FETUB: variants seen among roughly 807,000 people sequenced by gnomAD.
The protein encoded by FETUB is fetuin-B.
A neutral mutation model predicts 30.9 loss-of-function variants in FETUB; 28 were observed. The ratio of observed to expected loss-of-function variants is 0.90; its 90% CI spans 0.67 to 1.24. The LOEUF is 1.24. Ranked by LOEUF, FETUB falls within the 50% of genes most tolerant of loss-of-function variation. FETUB has a pLI of 0.00. For synonymous variants in FETUB, 186 were observed against 175.9 expected (o/e 1.06, Z -0.45); for missense variants, 469 against 455.3 (o/e 1.03, Z -0.27).
upstream of FETUB, among the ~76,000 whole-genome samples, chr3:186,636,633 G>A (rs1257080846): frequency 6.6e-6 from 1 of 152,192 alleles, no homozygotes; most frequent in African/African-American, 2.4e-5. Flanking sequence ...CCAAACATAG[G>A]ATACTTCAGG....
Position 186,652,397 on chromosome 3 carries a change from A to T in FETUB, c.915A>T (p.Gln305His). The change falls in exon 7 of 7, where the codon CAA becomes CAT. Residue 305 changes from glutamine (Q) to histidine (H), a missense_variant. Physicochemically the swap from Gln to His is conservative, Grantham distance 24. Transcript: ENST00000265029. The stretch of plus-strand genomic sequence containing the variant: ...AAGCTGGGCCAAGAGGATCTGTCCA[A>T]TATCTTCCTGACTTGGATGATAAAA... ...PSKAGPRGSV[Q>H]YLPDLDDKNS... 1 of 1,612,560 alleles carries T rather than the reference A, an allele frequency of 6.2e-7. No homozygotes were observed. The highest frequency in any genetic ancestry group is 1.7e-5 in the Admixed American group (1 of 59,974).
chr3:186,646,285 T>C lies in FETUB; in HGVS notation c.632T>C (p.Ile211Thr). 6.2e-7 allele frequency: 1 copy of C among 1,614,064 alleles called. No individual in the cohort carries two copies. The highest frequency in any genetic ancestry group is 2.2e-5 in the East Asian group (1 of 44,876). ...VGPSYFVEYL[I>T]KESPCTKSQA... ...CCTTCTTACTTTGTGGAATACTTAA[T>C]TAAAGAATCACCATGTACTAAATCC... The change falls in exon 5 of 7, where the codon ATT (isoleucine) becomes ACT (threonine). Residue 211 changes from isoleucine (I) to threonine (T), a missense_variant. Coordinates refer to ENST00000265029, the MANE Select transcript of FETUB (RefSeq NM_014375.3).
At chr3:186,639,931 G>A (rs1579029441), upstream of FETUB, among the ~76,000 whole-genome samples, 1 of 152,284 alleles carries the variant, frequency 6.6e-6, no homozygotes, top group Non-Finnish European at 1.5e-5. Flanking sequence ...AGTGCTTAAG[G>A]AATCTCAACT....
intron 2 of FETUB, chr3:186,641,932 G>A (rs1717089405): frequency 6.6e-6 from 1 of 152,382 alleles, no homozygotes; most frequent in South Asian, 2.1e-4. Context: ...CTAAAACACA[G>A]ACACAAAAAC....
intron 3 of FETUB, among the ~76,000 whole-genome samples, chr3:186,644,298 A>G (rs1560022391): frequency 6.6e-6 from 1 of 152,150 alleles, no homozygotes; most frequent in Non-Finnish European, 1.5e-5. Flanking sequence ...GCCTTCTACT[A>G]TGCCATTCAC....
In FETUB at chr3:186,652,393, T is replaced by C. The variant is rs1327027325; in HGVS notation, c.911T>C (p.Val304Ala). The change falls in exon 7 of 7, where the codon GTC (valine) becomes GCC (alanine). Residue 304 changes from valine to alanine, a missense_variant. Coordinates refer to ENST00000265029, the MANE Select transcript of FETUB (RefSeq NM_014375.3). ...SPSKAGPRGS[V>A]QYLPDLDDKN... ...TCCAAAGCTGGGCCAAGAGGATCTG[T>C]CCAATATCTTCCTGACTTGGATGAT... The C allele has an allele frequency of 1.2e-6, 2 of 1,612,024 alleles. No individual in the cohort carries two copies. The highest frequency in any genetic ancestry group is 2.2e-5 in the East Asian group (1 of 44,656).
chr3:186,649,537 T>A (rs1013487637), intron 5 of FETUB, among the ~76,000 whole-genome samples: 2 of 152,028 alleles, frequency 1.3e-5, no homozygotes, highest in African/African-American at 4.8e-5. Flanking sequence ...TGGCGCAATC[T>A]CAGCTTCCTG....
At position 186,641,010 on chromosome 3, in the gene FETUB, T is replaced by C. The variant is rs1362549461; in HGVS notation, c.226-20T>C. 1.3e-6 allele frequency: 2 copies of C among 1,515,046 alleles called. No homozygotes were observed. The highest frequency in any genetic ancestry group is 1.8e-6 in the Non-Finnish European group (2 of 1,091,534). 93.9% of individuals were successfully genotyped at this position (1,515,046 alleles called of 1,614,324 possible). Reference sequence around the variant, plus strand: ...CTACTTCCTGTGAAATGTATTGCATTTCTCTACCCCTTCCCACAGGGTGGC... The same window carrying C: ...CTACTTCCTGTGAAATGTATTGCATCTCTCTACCCCTTCCCACAGGGTGGC... On this transcript the variant is annotated intron_variant, in intron 1 of 6. Transcript: ENST00000265029.
upstream of FETUB, among the ~76,000 whole-genome samples, chr3:186,637,672 A>G (rs1716815088): frequency 6.6e-6 from 1 of 152,262 alleles, no homozygotes; most frequent in African/African-American, 2.4e-5. Flanking sequence ...GTGTAACCAG[A>G]AAAAGGCCAC....
At chr3:186,636,150 G>A (rs1716766464), upstream of FETUB, 1 of 152,304 alleles carries the variant, frequency 6.6e-6, no homozygotes, top group Non-Finnish European at 1.5e-5. Flanking sequence ...GCAAAGCTGA[G>A]GCCCTGGCTC....
rs1206776526 is a variant in FETUB, at chr3:186,640,500, C to T, written c.40C>T (p.Leu14=). 1.2e-6 allele frequency: 2 copies of T among 1,614,082 alleles called. No individual in the cohort carries two copies. The highest frequency in any genetic ancestry group is 1.3e-5 in the African/African-American group (1 of 74,922). ...LLPLALCILV[L]CCGAMSPPQL... ...TCCCCTGGCACTCTGCATCCTAGTCCTGTGCTGCGGAGCAATGTCTCCACC... is the reference window on the plus strand; with the variant it reads ...TCCCCTGGCACTCTGCATCCTAGTCTTGTGCTGCGGAGCAATGTCTCCACC... The change falls in exon 1 of 7, where the codon CTG becomes TTG. Residue 14 remains leucine, a synonymous_variant. Coordinates refer to ENST00000265029, the MANE Select transcript of FETUB (RefSeq NM_014375.3).
chr3:186,636,771 T>C (rs908366727), upstream of FETUB, among the ~76,000 whole-genome samples: 1 of 152,174 alleles, frequency 6.6e-6, no homozygotes, highest in Non-Finnish European at 1.5e-5. Context: ...GTAAACGACG[T>C]GATTTACAGT....
chr3:186,652,096 G>A (rs1188775953), intron 6 of FETUB, among the ~76,000 whole-genome samples, 167 bp from the exon 7 acceptor site: 3 of 151,950 alleles, frequency 2.0e-5, no homozygotes, highest in African/African-American at 7.3e-5. Flanking sequence ...GGTTCCCCCT[G>A]GCCCTTATCT....
intron 3 of FETUB, 75 bp downstream of exon 3, chr3:186,642,633 T>G: frequency 1.2e-6 from 1 of 847,098 alleles, no homozygotes. Context: ...TTGCCAAGAA[T>G]GTATAGGGTA....
At chr3:186,640,770 TG>T (rs2108514577) in intron 1 of FETUB, 85 bp downstream of exon 1, 1 of 1,129,394 alleles carries the variant, frequency 8.9e-7, no homozygotes, top group African/African-American at 1.5e-5. Flanking sequence ...AGAGACACCC[TG>T]GCAGGTGTTT....
chr3:186,638,743 A>G (rs540430453), upstream of FETUB, among the ~76,000 whole-genome samples: 1 of 152,240 alleles, frequency 6.6e-6, no homozygotes, highest in Non-Finnish European at 1.5e-5. Context: ...CAGGTCCCAG[A>G]CCATTCTCCT....
At position 186,652,507 on chromosome 3, in the gene FETUB, C is replaced by A. The variant is rs1446799495; in HGVS notation, c.1025C>A (p.Ser342Tyr). ...CCCCAGGGAGAAACCCTGGATATTT[C>A]CTTCCTCTTCCTGGAGCCTATGGAG... Reference protein sequence around the residue: ...TNPQGETLDISFLFLEPMEEK... With the variant: ...TNPQGETLDIYFLFLEPMEEK... The change falls in exon 7 of 7, where the codon TCC becomes TAC. Residue 342 changes from serine to tyrosine, a missense_variant. Coordinates refer to ENST00000265029, the MANE Select transcript of FETUB (RefSeq NM_014375.3). 1.2e-6 allele frequency: 2 copies of A among 1,614,042 alleles called. No individual in the cohort carries two copies. Among genetic ancestry groups the A allele is most frequent in the Non-Finnish European group, 1.7e-6 (2 of 1,180,042 alleles).
Position 186,652,339 on chromosome 3 carries a change from A to AG in FETUB, c.858dup (p.Lys287GlufsTer23), listed in dbSNP as rs763286327. ...CTTCCCAAGGTGGAAGAATCCCAGC[A>AG]GAAAAACACCCCCCCAACAGACTCC... is the stretch of plus-strand genomic sequence containing the variant. On this transcript the variant is annotated frameshift_variant, in exon 7 of 7. Transcript: ENST00000265029. LOFTEE classifies it low-confidence loss of function (END_TRUNC). The AG allele has an allele frequency of 4.5e-5, 73 of 1,610,388 alleles. No individual in the cohort carries two copies. Among genetic ancestry groups the AG allele is most frequent in the Non-Finnish European group, 5.8e-5 (68 of 1,178,994 alleles).
upstream of FETUB, chr3:186,636,255 C>T (rs1716769540): frequency 6.6e-6 from 1 of 152,190 alleles, no homozygotes; most frequent in Non-Finnish European, 1.5e-5. Flanking sequence ...GCTTGAAGAT[C>T]CTACCTGCCC....
Sources: gnomAD v4.1 joint callset for allele counts (sites outside exome capture counted in the v4.1 genomes callset) on GRCh38, gnomAD v4.1.1 for gene constraint, MANE v1.5 for transcripts, NCBI Gene and HGNC (gene_info 2026-07-23, HGNC 2026-07-21) for gene names.